Variants in IGSF11 observed in about 807,000 individuals in gnomAD.
The protein encoded by IGSF11 is immunoglobulin superfamily member 11, also known as CXADR like 1.
In IGSF11, 22 loss-of-function variants were observed where a neutral mutation model predicts 41.0. The observed-to-expected ratio is 0.54, with a 90% confidence interval of 0.38 to 0.77. The LOEUF is 0.77. Ranked by LOEUF, IGSF11 falls within the 30% of genes least tolerant of loss-of-function variation. The pLI is 0.00. For missense variants in IGSF11, 444 were observed against 530.8 expected, an observed-to-expected ratio of 0.84 and a Z score of 1.61; for synonymous variants, 219 against 201.3, an observed-to-expected ratio of 1.09 and a Z score of -0.74.
intron 1 of IGSF11, among the ~76,000 whole-genome samples, chr3:119,100,485 T>C: frequency 6.6e-6 from 1 of 152,232 alleles, no homozygotes; most frequent in East Asian, 1.9e-4. Context: ...TGACAATTTG[T>C]CATTAATTCC....
intron 1 of IGSF11, among the ~76,000 whole-genome samples, chr3:119,145,151 T>C (rs4687973): frequency 0.46 from 70,296 of 151,994 alleles, 16,343 homozygotes; most frequent in East Asian, 0.51. Context: ...TCCACTCTCC[T>C]TTGTCACAAG....
intron 1 of IGSF11, among the ~76,000 whole-genome samples, chr3:119,055,044 T>C (rs200353703): frequency 1.3e-5 from 2 of 152,316 alleles, no homozygotes; most frequent in East Asian, 1.9e-4. Flanking sequence ...CTGCAGCCAC[T>C]GCTGCTGATA....
chr3:118,943,251 T>A (rs1431824209), intron 1 of IGSF11: 1 of 152,162 alleles, frequency 6.6e-6, no homozygotes, highest in Non-Finnish European at 1.5e-5. Flanking sequence ...ATGATTTTTT[T>A]AAAAAGGGGT....
chr3:119,107,364 T>C (rs1336657146), upstream of IGSF11, among the ~76,000 whole-genome samples: 1 of 152,248 alleles, frequency 6.6e-6, no homozygotes, highest in Non-Finnish European at 1.5e-5. Flanking sequence ...TTCATATGTC[T>C]TTTGGCTGCA....
At chr3:119,089,475 C>G (rs548329128) in intron 1 of IGSF11, among the ~76,000 whole-genome samples, 6 of 152,134 alleles carry the variant, frequency 3.9e-5, no homozygotes, top group Non-Finnish European at 8.8e-5. Context: ...CAACATTATA[C>G]TGAATGGGCA....
chr3:119,030,821 G>A (rs146717082), intron 1 of IGSF11, among the ~76,000 whole-genome samples: 311 of 152,262 alleles, frequency 2.0e-3, no homozygotes, highest in African/African-American at 7.3e-3. Context: ...AAGTTGAGAT[G>A]ACTGTGTTCA....
chr3:119,114,446 C>G (rs1271384351), intron 1 of IGSF11, among the ~76,000 whole-genome samples: 3 of 152,226 alleles, frequency 2.0e-5, no homozygotes, highest in Non-Finnish European at 4.4e-5. Context: ...CGCCCTAAAT[C>G]ATCCTTCTCA....
intron 1 of IGSF11, among the ~76,000 whole-genome samples, chr3:119,049,781 T>A (rs112457896): frequency 6.7e-6 from 1 of 149,994 alleles, no homozygotes; most frequent in Non-Finnish European, 1.5e-5. Context: ...AAACAGCATG[T>A]TACTGGTACC....
At chr3:118,967,229 A>G (rs1945746212) in intron 1 of IGSF11, among the ~76,000 whole-genome samples, 1 of 152,126 alleles carries the variant, frequency 6.6e-6, no homozygotes, top group Admixed American at 6.6e-5. Context: ...AGAGATATAT[A>G]TATAATCTTT....
chr3:119,021,247 T>C (rs965575074), intron 1 of IGSF11, among the ~76,000 whole-genome samples: 1 of 152,098 alleles, frequency 6.6e-6, no homozygotes, highest in African/African-American at 2.4e-5. Flanking sequence ...TAAAACAAAT[T>C]ACTATATAAT....
chr3:119,060,763 C>A (rs900015096), intron 1 of IGSF11, among the ~76,000 whole-genome samples: 2 of 152,136 alleles, frequency 1.3e-5, no homozygotes, highest in African/African-American at 4.8e-5. Flanking sequence ...TGAATTAGCA[C>A]CCTGATCAAC....
chr3:118,964,549 A>G (rs1489534890), intron 1 of IGSF11, among the ~76,000 whole-genome samples: 1 of 152,208 alleles, frequency 6.6e-6, no homozygotes, highest in Non-Finnish European at 1.5e-5. Context: ...GAGGAGATAC[A>G]GATAGGAAGA....
intron 1 of IGSF11, among the ~76,000 whole-genome samples, chr3:119,059,376 C>A (rs115085770): frequency 6.6e-6 from 1 of 152,000 alleles, no homozygotes; most frequent in South Asian, 2.1e-4. Context: ...GACACAAAGG[C>A]GTAAGAATGA....
chr3:119,120,705 C>T (rs1289182116), intron 1 of IGSF11, among the ~76,000 whole-genome samples: 1 of 152,164 alleles, frequency 6.6e-6, no homozygotes, highest in African/African-American at 2.4e-5. Flanking sequence ...ACCATGATAC[C>T]TGTACAGGTT....
chr3:119,017,707 T>A (rs1281995644), intron 1 of IGSF11, among the ~76,000 whole-genome samples: 1 of 152,128 alleles, frequency 6.6e-6, no homozygotes, highest in African/African-American at 2.4e-5. Flanking sequence ...TTCAAAATTT[T>A]TTTTTCCCTT....
At chr3:119,011,420 G>A (rs1938103154) in intron 1 of IGSF11, among the ~76,000 whole-genome samples, 1 of 152,180 alleles carries the variant, frequency 6.6e-6, no homozygotes, top group African/African-American at 2.4e-5. Context: ...TGAAGCACAT[G>A]TGCATGGGAC....
intron 1 of IGSF11, among the ~76,000 whole-genome samples, chr3:118,941,418 T>A (rs1253464234): frequency 1.3e-5 from 2 of 152,036 alleles, no homozygotes; most frequent in Non-Finnish European, 2.9e-5. Flanking sequence ...TAAAACCACA[T>A]TGAGATAATA....
At chr3:118,955,181 G>A (rs1286776680) in intron 1 of IGSF11, among the ~76,000 whole-genome samples, 1 of 151,178 alleles carries the variant, frequency 6.6e-6, no homozygotes, top group Non-Finnish European at 1.5e-5. Context: ...TCAATGAGTG[G>A]ATAAAGAAAT....
intron 1 of IGSF11, among the ~76,000 whole-genome samples, chr3:119,023,262 CAAAAAAAAAAAAAA>C (rs3049118): frequency 1.3e-3 from 76 of 60,260 alleles, no homozygotes; most frequent in African/African-American, 4.5e-3. Flanking sequence ...GACTCCGTCT[CAAAAAAAAAAAAAA>C]AAAAAAAAAA....
Sources: gnomAD v4.1 joint callset for allele counts (sites outside exome capture counted in the v4.1 genomes callset) on GRCh38, gnomAD v4.1.1 for gene constraint, MANE v1.5 for transcripts, NCBI Gene and HGNC (gene_info 2026-07-23, HGNC 2026-07-21) for gene names.